Variants in PCSK6 observed in about 807,000 individuals in gnomAD.
PCSK6 encodes paired basic amino acid cleaving enzyme 4.
In PCSK6, 85 loss-of-function variants were observed where a neutral mutation model predicts 123.3. The observed-to-expected ratio is 0.69, with a 90% CI of 0.58 to 0.83. The LOEUF (loss-of-function observed/expected upper bound fraction) is 0.83. PCSK6 is among the 40% of genes least tolerant of loss of function. PCSK6 has a pLI of 0.00. For synonymous variants in PCSK6, 508 were observed against 516.0 expected (o/e 0.98, Z 0.21); for missense variants, 1,191 against 1,282.3 (o/e 0.93, Z 1.09).
At chr15:101,310,918 G>GC in intron 20 of PCSK6, among the ~76,000 whole-genome samples, 1 of 152,266 alleles carries the variant, frequency 6.6e-6, no homozygotes, top group South Asian at 2.1e-4. Flanking sequence ...TCAGACGGAA[G>GC]CCCCCCGATA....
At chr15:101,486,045 C>T (rs916615074) in intron 1 of PCSK6, among the ~76,000 whole-genome samples, 1 of 149,450 alleles carries the variant, frequency 6.7e-6, no homozygotes, top group African/African-American at 2.5e-5. Context: ...TTCACTGCAA[C>T]CTCCGCCTCC....
Position 101,366,254 on chromosome 15 carries a change from C to A in PCSK6, c.1800G>T (p.Gly600=). ...GATCTTGGATTTCCAAGGTCCACTG[C>A]CCTTCAGCCTTTTCTCCCCAGCAGT... is the stretch of plus-strand genomic sequence containing the variant. ...TVHCWGEKAE[G]QWTLEIQDLP... Residue 600 remains glycine, a synonymous_variant, in exon 13 of 22, where the codon GGG becomes GGT. Transcript: ENST00000611716. The A allele has an allele frequency of 6.2e-7, 1 of 1,613,752 alleles. No homozygotes were observed. Among genetic ancestry groups the A allele is most frequent in the Non-Finnish European group, 8.5e-7 (1 of 1,179,770 alleles).
At chr15:101,309,827 G>A (rs997840259) in intron 20 of PCSK6, among the ~76,000 whole-genome samples, 2 of 152,226 alleles carry the variant, frequency 1.3e-5, no homozygotes, top group African/African-American at 4.8e-5. Flanking sequence ...TAGGTCTTGA[G>A]GGTGTCCGGC....
At chr15:101,443,493 C>T in intron 2 of PCSK6, 63 bp downstream of exon 2, 2 of 1,135,604 alleles carry the variant, frequency 1.8e-6, no homozygotes, top group Non-Finnish European at 2.6e-6. Context: ...CCAGACTCCG[C>T]CATTTTTAAG....
chr15:101,386,518 G>A (rs549533546), intron 9 of PCSK6, among the ~76,000 whole-genome samples: 20 of 152,262 alleles, frequency 1.3e-4, no homozygotes, highest in African/African-American at 4.3e-4. Flanking sequence ...AGTCCCCATC[G>A]CTCCTTCTGC....
intron 1 of PCSK6, among the ~76,000 whole-genome samples, chr15:101,488,851 C>T (rs980685877): frequency 1.3e-5 from 2 of 151,378 alleles, no homozygotes; most frequent in African/African-American, 2.4e-5. Flanking sequence ...CCCGAGACGC[C>T]GGGCCACGCT....
intron 6 of PCSK6, among the ~76,000 whole-genome samples, chr15:101,415,242 C>A (rs1266578320): frequency 6.6e-6 from 1 of 152,206 alleles, no homozygotes; most frequent in Non-Finnish European, 1.5e-5. Flanking sequence ...CTTGATAGAA[C>A]ACACAGGTGA....
Position 101,401,715 on chromosome 15 carries a change from G to C in PCSK6, c.824-3139C>G, listed in dbSNP as rs113360261. Reference sequence around the variant, plus strand: ...TCAAACAAATGAAATCGGATGATCCGTGTAAAGGGTCTGGCACACAGTAAG... The same window carrying C: ...TCAAACAAATGAAATCGGATGATCCCTGTAAAGGGTCTGGCACACAGTAAG... On this transcript the variant is annotated intron_variant, in intron 6 of 21. Coordinates refer to ENST00000611716, the MANE Select transcript of PCSK6 (RefSeq NM_002570.5). 8.8e-3 allele frequency among the ~76,000 whole-genome samples: 1,343 copies of C among 152,286 alleles called. 18 individuals carry two copies. The highest frequency in any genetic ancestry group is 0.031 in the African/African-American group (1,283 of 41,534).
At chr15:101,487,801 C>T (rs1053246431) in intron 1 of PCSK6, among the ~76,000 whole-genome samples, 3 of 152,184 alleles carry the variant, frequency 2.0e-5, no homozygotes, top group African/African-American at 7.2e-5. Flanking sequence ...TCAAGAACTA[C>T]AGAGACAAAC....
intron 6 of PCSK6, among the ~76,000 whole-genome samples, chr15:101,412,289 C>T (rs1389021911): frequency 1.3e-5 from 2 of 152,004 alleles, no homozygotes; most frequent in African/African-American, 2.4e-5. Context: ...ATTCCAAGAA[C>T]GAATAGGAAG....
At chr15:101,401,632 G>T (rs1049232002) in intron 6 of PCSK6, among the ~76,000 whole-genome samples, 1 of 152,180 alleles carries the variant, frequency 6.6e-6, no homozygotes. Flanking sequence ...CTCCCGTCTC[G>T]CTGAGCCTCA....
intron 13 of PCSK6, among the ~76,000 whole-genome samples, chr15:101,356,419 G>A (rs910850104): frequency 1.3e-5 from 2 of 150,908 alleles, no homozygotes; most frequent in East Asian, 2.0e-4. Flanking sequence ...CAGCACTTTC[G>A]GAGGCCGAGG....
intron 1 of PCSK6, among the ~76,000 whole-genome samples, chr15:101,466,110 A>T (rs2057453996): frequency 6.6e-6 from 1 of 152,188 alleles, no homozygotes; most frequent in Non-Finnish European, 1.5e-5. Flanking sequence ...AAGTGAAAAG[A>T]CAACCCAGAG....
At chr15:101,429,203 A>G (rs2056362306) in intron 5 of PCSK6, among the ~76,000 whole-genome samples, 1 of 151,960 alleles carries the variant, frequency 6.6e-6, no homozygotes, top group Non-Finnish European at 1.5e-5. Flanking sequence ...GAGGAATGAT[A>G]AGAGCTCAGG....
At chr15:101,368,682 G>A (rs1330829901) in intron 12 of PCSK6, among the ~76,000 whole-genome samples, 9 of 152,150 alleles carry the variant, frequency 5.9e-5, no homozygotes, top group Admixed American at 6.5e-5. Context: ...CTAGGTGTGC[G>A]GCTGGAGTGA....
intron 7 of PCSK6, 116 bp from the exon 8 acceptor site, chr15:101,393,540 C>T (rs2042299916): frequency 1.4e-6 from 1 of 722,916 alleles, no homozygotes; most frequent in Non-Finnish European, 2.2e-6. Context: ...AAGAAGGTTG[C>T]ATTCAGACCA....
intron 12 of PCSK6, among the ~76,000 whole-genome samples, chr15:101,367,982 G>A (rs2041451684): frequency 6.6e-6 from 1 of 152,178 alleles, no homozygotes; most frequent in Non-Finnish European, 1.5e-5. Context: ...GTGCCACCAC[G>A]CCCAGCTAAT....
chr15:101,414,966 T>C (rs1336531473), intron 6 of PCSK6, among the ~76,000 whole-genome samples: 1 of 152,156 alleles, frequency 6.6e-6, no homozygotes, highest in African/African-American at 2.4e-5. Flanking sequence ...ATAAAATAAA[T>C]TCGCAAGTGT....
At chr15:101,362,806 C>T (rs539288583) in intron 13 of PCSK6, among the ~76,000 whole-genome samples, 2 of 152,350 alleles carry the variant, frequency 1.3e-5, no homozygotes, top group South Asian at 4.1e-4. Flanking sequence ...CCAGCATCTA[C>T]CCCCAGGTAG....
Sources: allele counts gnomAD v4.1 joint callset (sites outside exome capture counted in the v4.1 genomes callset), GRCh38; gene constraint gnomAD v4.1.1; transcripts MANE v1.5; gene names NCBI Gene and HGNC (gene_info 2026-07-23, HGNC 2026-07-21).